The following TMEM132D variants were observed in gnomAD, a reference collection of about 807,000 sequenced individuals.
TMEM132D encodes the protein transmembrane protein 132D.
Under a neutral mutation model 62.3 loss-of-function variants are expected in TMEM132D, and 21 were observed. The observed-to-expected ratio is 0.34, with a 90% CI of 0.24 to 0.49. The LOEUF is 0.49. TMEM132D is among the 20% of genes least tolerant of loss of function. TMEM132D has a pLI of 0.99. For synonymous variants in TMEM132D, 621 were observed against 575.6 expected (o/e 1.08, Z -1.13); for missense variants, 1,346 against 1,402.8 (o/e 0.96, Z 0.65).
At chr12:129,365,385 A>G (rs934604967) in intron 3 of TMEM132D, among the ~76,000 whole-genome samples, 4 of 152,194 alleles carry the variant, frequency 2.6e-5, no homozygotes, top group Admixed American at 2.6e-4. Flanking sequence ...TTAGGCACCA[A>G]AAACCCTTAT....
At chr12:129,778,272 TC>T (rs1360573724) in intron 1 of TMEM132D, among the ~76,000 whole-genome samples, 2 of 152,054 alleles carry the variant, frequency 1.3e-5, no homozygotes, top group African/African-American at 4.8e-5. Context: ...TTCAAAATTT[TC>T]CTAATTTTAC....
chr12:129,784,067 G>A (rs1214455326), intron 1 of TMEM132D, among the ~76,000 whole-genome samples: 2 of 152,218 alleles, frequency 1.3e-5, no homozygotes, highest in Non-Finnish European at 2.9e-5. Context: ...GAAGCAGAAT[G>A]ATGTTATGAT....
intron 3 of TMEM132D, among the ~76,000 whole-genome samples, chr12:129,399,604 C>T (rs116186755): frequency 1.4e-5 from 2 of 147,566 alleles, no homozygotes; most frequent in Admixed American, 1.4e-4. Flanking sequence ...CACCACAGAA[C>T]GTATTTACCT....
chr12:129,499,598 T>A (rs1399920083), intron 3 of TMEM132D, among the ~76,000 whole-genome samples: 1 of 152,144 alleles, frequency 6.6e-6, no homozygotes, highest in Non-Finnish European at 1.5e-5. Context: ...AGTGTGAGAT[T>A]CCGTCCTAGG....
intron 5 of TMEM132D, among the ~76,000 whole-genome samples, chr12:129,101,517 A>G: frequency 6.6e-6 from 1 of 152,168 alleles, no homozygotes; most frequent in East Asian, 1.9e-4. Flanking sequence ...CAACAACCCC[A>G]GCTGGCTCCA....
At chr12:129,108,594 C>T (rs575260113) in intron 5 of TMEM132D, among the ~76,000 whole-genome samples, 212 of 152,246 alleles carry the variant, frequency 1.4e-3, no homozygotes, top group African/African-American at 5.0e-3. Flanking sequence ...TGTAATGAGC[C>T]ACTTGGTTCA....
intron 2 of TMEM132D, among the ~76,000 whole-genome samples, chr12:129,640,012 A>T (rs1879600491): frequency 2.0e-5 from 3 of 151,884 alleles, no homozygotes. Flanking sequence ...GAATGCTGCC[A>T]CATGTTTCTT....
At chr12:129,644,918 G>A (rs111712544) in intron 2 of TMEM132D, among the ~76,000 whole-genome samples, 8 of 148,984 alleles carry the variant, frequency 5.4e-5, no homozygotes, top group East Asian at 2.0e-4. Context: ...CCCAGGAGGC[G>A]GAGCTTGCAG....
At chr12:129,850,226 G>A (rs1246773943) in intron 1 of TMEM132D, among the ~76,000 whole-genome samples, 9 of 152,138 alleles carry the variant, frequency 5.9e-5, no homozygotes, top group Non-Finnish European at 8.8e-5. Flanking sequence ...CTGGAAGGAC[G>A]AGGAACACGT....
intron 2 of TMEM132D, among the ~76,000 whole-genome samples, chr12:129,615,243 C>A (rs552240724): frequency 1.8e-4 from 28 of 152,204 alleles, no homozygotes; most frequent in African/African-American, 6.7e-4. Context: ...GGATGAATCA[C>A]TGAATTATTT....
chr12:129,246,168 G>C (rs1211187771), intron 4 of TMEM132D, among the ~76,000 whole-genome samples: 6 of 151,988 alleles, frequency 3.9e-5, no homozygotes, highest in Admixed American at 3.9e-4. Flanking sequence ...ACCGAATATT[G>C]CTGCTGTCTT....
intron 3 of TMEM132D, among the ~76,000 whole-genome samples, chr12:129,495,287 G>A (rs1181783114): frequency 1.3e-5 from 2 of 152,164 alleles, no homozygotes; most frequent in Non-Finnish European, 2.9e-5. Context: ...GTTTAGGGCT[G>A]TTGCGTAGCT....
intron 4 of TMEM132D, among the ~76,000 whole-genome samples, chr12:129,281,539 G>A (rs1881152056): frequency 1.3e-5 from 2 of 152,028 alleles, no homozygotes; most frequent in South Asian, 4.2e-4. Context: ...TGTTGATGGA[G>A]AGGCATTTGT....
At chr12:129,313,769 C>T (rs923485012) in intron 4 of TMEM132D, among the ~76,000 whole-genome samples, 2 of 152,062 alleles carry the variant, frequency 1.3e-5, no homozygotes, top group African/African-American at 4.8e-5. Context: ...ACTTTTAGTT[C>T]TTTAAGGAAT....
chr12:129,088,052 T>C (rs867437208), intron 5 of TMEM132D, among the ~76,000 whole-genome samples: 3 of 54,168 alleles, frequency 5.5e-5, no homozygotes, highest in African/African-American at 2.8e-4. Context: ...TATGACCGGG[T>C]GTCCTCCATG....
At chr12:129,739,694 G>A (rs1305938654) in intron 1 of TMEM132D, among the ~76,000 whole-genome samples, 1 of 152,162 alleles carries the variant, frequency 6.6e-6, no homozygotes, top group Non-Finnish European at 1.5e-5. Flanking sequence ...CAGAGGCCTG[G>A]TCCCCATGGA....
chr12:129,223,193 T>C (rs894523236), intron 4 of TMEM132D, among the ~76,000 whole-genome samples: 2 of 152,004 alleles, frequency 1.3e-5, no homozygotes, highest in African/African-American at 4.8e-5. Flanking sequence ...GACTCACCTC[T>C]AGCTGTATCA....
intron 4 of TMEM132D, among the ~76,000 whole-genome samples, chr12:129,310,639 A>C (rs1881950191): frequency 6.6e-6 from 1 of 152,360 alleles, no homozygotes; most frequent in Middle Eastern, 3.4e-3. Context: ...GGCCTTGGTA[A>C]GCAAAGAGAA....
chr12:129,869,566 G>A (rs1313897239), intron 1 of TMEM132D, among the ~76,000 whole-genome samples: 1 of 152,052 alleles, frequency 6.6e-6, no homozygotes, highest in Admixed American at 6.6e-5. Flanking sequence ...TTGTTTGTGG[G>A]TTTTTCCTGA....
Sources: gnomAD v4.1 joint callset for allele counts (sites outside exome capture counted in the v4.1 genomes callset) on GRCh38, gnomAD v4.1.1 for gene constraint, MANE v1.5 for transcripts, NCBI Gene and HGNC (gene_info 2026-07-23, HGNC 2026-07-21) for gene names.